TDRD9: variants seen among roughly 807,000 people sequenced by gnomAD.
TDRD9 encodes ATP-dependent RNA helicase TDRD9.
TDRD9 carries 124 observed loss-of-function variants against 172.6 expected under a neutral mutation model. That is an observed-to-expected ratio of 0.72 (90% CI 0.62 to 0.83). TDRD9 has a LOEUF of 0.83. Among genes scored for constraint, TDRD9 ranks in the 40% least tolerant of loss-of-function variants. The pLI is 0.00. For synonymous variants in TDRD9, 619 were observed against 617.1 expected, an observed-to-expected ratio of 1.00 and a Z score of -0.05; for missense variants, 1,479 against 1,714.1, an observed-to-expected ratio of 0.86 and a Z score of 2.42.
chr14:104,029,465 T>A (rs530765446), intron 28 of TDRD9, among the ~76,000 whole-genome samples: 2 of 152,340 alleles, frequency 1.3e-5, no homozygotes, highest in South Asian at 4.1e-4. Flanking sequence ...TTTCTTGATA[T>A]CTTTTTTAGC....
At chr14:103,979,524 G>A (rs2033387548) in intron 7 of TDRD9, among the ~76,000 whole-genome samples, 1 of 152,168 alleles carries the variant, frequency 6.6e-6, no homozygotes, top group South Asian at 2.1e-4. Flanking sequence ...TCACCTCTCA[G>A]GGGGAACTCT....
At chr14:103,999,333 A>G (rs2034174119) in intron 13 of TDRD9, among the ~76,000 whole-genome samples, 1 of 152,194 alleles carries the variant, frequency 6.6e-6, no homozygotes, top group East Asian at 1.9e-4. Flanking sequence ...AGAACTATGG[A>G]CACCAAGTGG....
At chr14:104,043,503 G>A (rs145706775) in intron 34 of TDRD9, among the ~76,000 whole-genome samples, 2,177 of 152,192 alleles carry the variant, frequency 0.014, 36 homozygotes, top group Non-Finnish European at 0.023. Flanking sequence ...CAAAGTGCTG[G>A]GATTACAGGT....
intron 1 of TDRD9, among the ~76,000 whole-genome samples, chr14:103,952,729 C>CTCTTTTTT (rs759236404): frequency 6.9e-5 from 5 of 72,312 alleles, no homozygotes; most frequent in African/African-American, 3.0e-4. Context: ...AATTCTCTCT[C>CTCTTTTTT]TTTTTTTTTT....
intron 34 of TDRD9, among the ~76,000 whole-genome samples, chr14:104,047,666 C>A (rs1291133305): frequency 6.6e-6 from 1 of 152,176 alleles, no homozygotes; most frequent in East Asian, 1.9e-4. Context: ...GTCGATACGG[C>A]CTCACTGGTC....
Position 104,049,647 on chromosome 14 carries a change from C to A in TDRD9, c.4014C>A (p.Pro1338=). 2 of 1,589,640 alleles carry A rather than the reference C, an allele frequency of 1.3e-6. No individual in the cohort carries two copies. The highest frequency in any genetic ancestry group is 4.6e-5 in the East Asian group (2 of 43,592). ...CQSKPREKIV[P]KWHEKPYEWN... ...CAAAACCAAGGGAGAAGATTGTTCC[C>A]AAGTGGCATGAAAAGCCCTACGAGT... is the stretch of plus-strand genomic sequence containing the variant. Residue 1338 remains proline, a synonymous_variant, in exon 35 of 36, where the codon CCC becomes CCA. Coordinates refer to ENST00000409874, the MANE Select transcript of TDRD9 (RefSeq NM_153046.3).
chr14:103,938,305 C>T lies in TDRD9; in HGVS notation c.215+9581C>T, dbSNP rs1054240808. 1.5e-4 allele frequency among the ~76,000 whole-genome samples: 22 copies of T among 150,784 alleles called. No homozygotes were observed. In the East Asian group the frequency reaches 2.5e-3, roughly 17 times the overall value. Reference sequence around the variant, plus strand: ...ATTCCCTAGCTAAATATTGTAGCTCCTGAACGAATGCTGCTTTTTCTTGAT... The same window carrying T: ...ATTCCCTAGCTAAATATTGTAGCTCTTGAACGAATGCTGCTTTTTCTTGAT... On this transcript the variant is annotated intron_variant, in intron 1 of 35. Transcript: ENST00000409874.
chr14:104,012,182 G>A lies in TDRD9; in HGVS notation c.2107-2543G>A, dbSNP rs180917958. ...TCCAGAGGAAACTGTTACCCTCATG[G>A]CCCAAGGCCCCACCGTCAATCATAT... On this transcript the variant is annotated intron_variant, in intron 20 of 35. Coordinates refer to ENST00000409874, the MANE Select transcript of TDRD9 (RefSeq NM_153046.3). Among the ~76,000 whole-genome samples, 138 of 152,286 alleles carry A rather than the reference G, an allele frequency of 9.1e-4. 1 individual carries two copies. Among genetic ancestry groups the A allele is most frequent in the African/African-American group, 3.2e-3 (131 of 41,552 alleles).
At chr14:103,936,393 A>C (rs1306604613) in intron 1 of TDRD9, among the ~76,000 whole-genome samples, 1 of 152,142 alleles carries the variant, frequency 6.6e-6, no homozygotes. Flanking sequence ...TGCTCAACCT[A>C]GGAGACCCCA....
At chr14:104,015,840 G>A (rs1367280585) in intron 21 of TDRD9, 141 bp from the exon 22 acceptor site, 3 of 518,596 alleles carry the variant, frequency 5.8e-6, no homozygotes, top group Non-Finnish European at 9.7e-6. Context: ...CTTGGTTGGT[G>A]AAAGGTCTAG....
chr14:103,949,251 T>C (rs1439138214), intron 1 of TDRD9, among the ~76,000 whole-genome samples: 2 of 152,234 alleles, frequency 1.3e-5, no homozygotes, highest in African/African-American at 4.8e-5. Flanking sequence ...AGTCTTTCTG[T>C]GTCATGAATA....
rs868233086 is a variant in TDRD9 at position 103,941,745 on chromosome 14, G to A, written c.215+13021G>A. On this transcript the variant is annotated intron_variant, in intron 1 of 35. Transcript: ENST00000409874. Reference sequence around the variant, plus strand: ...CTTGTTTATTTGCTCAAAATGTTATGTTCTTCTGAGCAAATATTTGTTTCT... The same window carrying A: ...CTTGTTTATTTGCTCAAAATGTTATATTCTTCTGAGCAAATATTTGTTTCT... The A allele has an allele frequency of 5.3e-6, 7 of 1,315,536 alleles. No individual in the cohort carries two copies. In the Middle Eastern group the frequency reaches 1.1e-3, roughly 214 times the overall value. 81.5% of individuals were successfully genotyped at this position (1,315,536 alleles called of 1,614,324 possible).
chr14:104,028,121 A>T (rs1410233910), intron 28 of TDRD9, among the ~76,000 whole-genome samples: 1 of 152,154 alleles, frequency 6.6e-6, no homozygotes, highest in African/African-American at 2.4e-5. Flanking sequence ...TTGGTTCTGT[A>T]TCTTGACTAT....
intron 1 of TDRD9, among the ~76,000 whole-genome samples, chr14:103,954,008 T>A (rs763391240): frequency 6.6e-5 from 10 of 152,204 alleles, no homozygotes; most frequent in Non-Finnish European, 1.5e-4. Context: ...ATAAAATTAA[T>A]CATTACATAA....
intron 1 of TDRD9, among the ~76,000 whole-genome samples, chr14:103,929,850 G>A (rs1172838608): frequency 2.6e-5 from 4 of 152,156 alleles, no homozygotes; most frequent in Admixed American, 6.5e-5. Flanking sequence ...GTTTTTGTGT[G>A]GACATAAGTT....
chr14:104,010,750 C>T (rs1336927957), intron 20 of TDRD9, among the ~76,000 whole-genome samples: 1 of 152,016 alleles, frequency 6.6e-6, no homozygotes, highest in Non-Finnish European at 1.5e-5. Flanking sequence ...GTTTCAGGAC[C>T]CCTGTATACC....
In TDRD9 at chr14:103,965,314, G is replaced by T. The variant is rs1306361036; in HGVS notation, c.421-19G>T. On this transcript the variant is annotated intron_variant, in intron 3 of 35. Transcript: ENST00000409874. ...TTGCCATTTTGTGCTGATTTTGAAAGAATTTTTTAAATTTCTAGGTTGTGT... is the reference window on the plus strand; with the variant it reads ...TTGCCATTTTGTGCTGATTTTGAAATAATTTTTTAAATTTCTAGGTTGTGT... 6.5e-7 allele frequency: 1 copy of T among 1,548,974 alleles called. No homozygotes were observed. The highest frequency in any genetic ancestry group is 1.7e-4 in the Middle Eastern group (1 of 5,872).
At position 103,970,989 on chromosome 14, in the gene TDRD9, A is replaced by AT. The variant is rs879380056; in HGVS notation, c.846+380dup. Reference sequence around the variant, plus strand: ...AATCTGGATACAGAGGGCTGACTGTATTTTTTTTTTTTGAGACGGAGTCTA... The same window carrying AT: ...AATCTGGATACAGAGGGCTGACTGTATTTTTTTTTTTTTGAGACGGAGTCTA... On this transcript the variant is annotated intron_variant, in intron 6 of 35. Coordinates refer to ENST00000409874, the MANE Select transcript of TDRD9 (RefSeq NM_153046.3). Among the ~76,000 whole-genome samples, 1,436 of 146,644 alleles carry AT rather than the reference A, an allele frequency of 9.8e-3. 15 individuals carry two copies. Among genetic ancestry groups the AT allele is most frequent in the Middle Eastern group, 0.054 (15 of 280 alleles).
intron 35 of TDRD9, 65 bp from the exon 36 acceptor site, chr14:104,051,916 G>A (rs933638272): frequency 2.2e-5 from 22 of 980,086 alleles, no homozygotes; most frequent in Non-Finnish European, 3.5e-5. Context: ...GTTAATGCAT[G>A]TGTATTTTAT....
Sources: gnomAD v4.1 joint callset for allele counts (sites outside exome capture counted in the v4.1 genomes callset) on GRCh38, gnomAD v4.1.1 for gene constraint, MANE v1.5 for transcripts, NCBI Gene and HGNC (gene_info 2026-07-23, HGNC 2026-07-21) for gene names.